The following ARB2A variants were observed in gnomAD, a reference collection of about 807,000 sequenced individuals.
ARB2A encodes cotranscriptional regulator ARB2A.
the ARB2A span, among the ~76,000 whole-genome samples, chr5:94,069,050 A>G: frequency 6.7e-6 from 1 of 149,914 alleles, no homozygotes; most frequent in Non-Finnish European, 1.5e-5. Context: ...AGATAGATAG[A>G]TAGATAGATA....
the ARB2A span, among the ~76,000 whole-genome samples, chr5:93,913,658 G>T: frequency 6.6e-6 from 1 of 151,960 alleles, no homozygotes; most frequent in Non-Finnish European, 1.5e-5. Flanking sequence ...AGCAGACTAA[G>T]ATGGCATAAT....
chr5:93,643,745 C>T, the ARB2A span, among the ~76,000 whole-genome samples: 8 of 152,258 alleles, frequency 5.3e-5, no homozygotes, highest in South Asian at 8.3e-4. Context: ...CCACCCGCCT[C>T]GGCCTCCCAA....
At chr5:93,690,511 C>T in the ARB2A span, among the ~76,000 whole-genome samples, 1 of 152,138 alleles carries the variant, frequency 6.6e-6, no homozygotes, top group African/African-American at 2.4e-5. Context: ...TAAATTCCTC[C>T]TCTCTGGGCA....
the ARB2A span, chr5:93,739,365 G>T: frequency 1.3e-5 from 2 of 151,966 alleles, no homozygotes; most frequent in Admixed American, 6.6e-5. Flanking sequence ...TAATTAACTA[G>T]GGAATAAAAA....
At chr5:94,109,710 C>A in the ARB2A span, among the ~76,000 whole-genome samples, 2 of 152,152 alleles carry the variant, frequency 1.3e-5, no homozygotes, top group South Asian at 2.1e-4. Flanking sequence ...TGTCTCAGTG[C>A]CTTTGTACTA....
chr5:93,661,501 A>G, the ARB2A span, among the ~76,000 whole-genome samples: 1 of 152,050 alleles, frequency 6.6e-6, no homozygotes, highest in East Asian at 1.9e-4. Flanking sequence ...AGCTGTTGAA[A>G]CCAGGAAGGG....
chr5:93,661,957 C>T, the ARB2A span, among the ~76,000 whole-genome samples: 1 of 152,080 alleles, frequency 6.6e-6, no homozygotes, highest in Non-Finnish European at 1.5e-5. Context: ...GTAAGTAAAA[C>T]ATGGAATCAG....
chr5:93,628,132 C>G, the ARB2A span, among the ~76,000 whole-genome samples: 1 of 148,092 alleles, frequency 6.8e-6, no homozygotes, highest in African/African-American at 2.5e-5. Flanking sequence ...CTCACTGCAA[C>G]CTCCGCCTCC....
chr5:93,823,873 TGAAC>T, the ARB2A span, among the ~76,000 whole-genome samples: 3 of 152,102 alleles, frequency 2.0e-5, no homozygotes, highest in Non-Finnish European at 4.4e-5. Context: ...GAGAATAGCC[TGAAC>T]CAGGGAGTCA....
the ARB2A span, chr5:94,053,246 G>T: frequency 8.1e-7 from 1 of 1,240,822 alleles, no homozygotes; most frequent in Non-Finnish European, 1.1e-6. Context: ...GAAATGATAT[G>T]AAATTTACTT....
the ARB2A span, among the ~76,000 whole-genome samples, chr5:93,956,148 T>G: frequency 6.6e-6 from 1 of 152,214 alleles, no homozygotes; most frequent in Non-Finnish European, 1.5e-5. Flanking sequence ...TCCTCCAACA[T>G]GAACTCTTAA....
At chr5:93,773,581 C>T in the ARB2A span, among the ~76,000 whole-genome samples, 1 of 152,174 alleles carries the variant, frequency 6.6e-6, no homozygotes, top group African/African-American at 2.4e-5. Flanking sequence ...GAGAACAAAG[C>T]ACACCTCATT....
the ARB2A span, chr5:94,053,072 T>TACAG: frequency 1.6e-6 from 1 of 638,190 alleles, no homozygotes; most frequent in Non-Finnish European, 2.6e-6. Context: ...TTGCATATAC[T>TACAG]ATAGATAGAT....
At chr5:93,678,722 C>T in the ARB2A span, among the ~76,000 whole-genome samples, 2 of 151,968 alleles carry the variant, frequency 1.3e-5, no homozygotes, top group South Asian at 4.2e-4. Flanking sequence ...GGCCATTACA[C>T]TCCAGCCTGG....
chr5:93,930,387 C>T, the ARB2A span, among the ~76,000 whole-genome samples: 1 of 152,152 alleles, frequency 6.6e-6, no homozygotes, highest in Non-Finnish European at 1.5e-5. Flanking sequence ...GTAAGAGTTG[C>T]ACTCTCGTGT....
At chr5:93,985,069 A>T in the ARB2A span, among the ~76,000 whole-genome samples, 1 of 152,308 alleles carries the variant, frequency 6.6e-6, no homozygotes, top group South Asian at 2.1e-4. Context: ...CAATACAGTC[A>T]TATAAAATTT....
chr5:94,020,430 T>TA, the ARB2A span, among the ~76,000 whole-genome samples: 412 of 151,688 alleles, frequency 2.7e-3, no homozygotes, highest in Middle Eastern at 0.01. Flanking sequence ...ATAATAATAA[T>TA]AAAAAAACAA....
chr5:94,098,498 A>C, the ARB2A span, among the ~76,000 whole-genome samples: 14 of 152,210 alleles, frequency 9.2e-5, no homozygotes, highest in African/African-American at 3.4e-4. Flanking sequence ...TTAAAATGGA[A>C]ATTCAAAGCA....
At chr5:93,663,258 C>T in the ARB2A span, among the ~76,000 whole-genome samples, 378 of 152,292 alleles carry the variant, frequency 2.5e-3, 5 homozygotes, top group African/African-American at 8.6e-3. Context: ...AGTGATAAAA[C>T]AATTCGCTTA....
Sources: allele counts gnomAD v4.1 joint callset (sites outside exome capture counted in the v4.1 genomes callset), GRCh38; gene constraint gnomAD v4.1.1; transcripts MANE v1.5; gene names NCBI Gene and HGNC (gene_info 2026-07-23, HGNC 2026-07-21).